The following CDH23 variants were observed in gnomAD, a reference collection of about 807,000 sequenced individuals.
CDH23 encodes the protein cadherin related 23, also known as cadherin-23.
CDH23 carries 189 observed loss-of-function variants against 317.1 expected under a neutral mutation model. The ratio of observed to expected loss-of-function variants is 0.60; its 90% CI spans 0.53 to 0.67. The LOEUF (loss-of-function observed/expected upper bound fraction) is 0.67, where lower values mean the gene tolerates loss of function less well. Among genes scored for constraint, CDH23 ranks in the 30% least tolerant of loss-of-function variants. CDH23 has a pLI of 0.00. For missense variants in CDH23, 4,401 were observed against 4,592.4 expected, an observed-to-expected ratio of 0.96 and a Z score of 1.20; for synonymous variants, 1,839 against 1,876.8, an observed-to-expected ratio of 0.98 and a Z score of 0.52.
intron 28 of CDH23, among the ~76,000 whole-genome samples, chr10:71,720,801 C>T (rs1866522638): frequency 6.6e-6 from 1 of 152,210 alleles, no homozygotes; most frequent in South Asian, 2.1e-4. Flanking sequence ...CCCCCGTCTT[C>T]TCTCAGATGA....
intron 19 of CDH23, among the ~76,000 whole-genome samples, chr10:71,689,199 AGGGTTGGTG>A (rs1865088461): frequency 6.7e-6 from 1 of 149,074 alleles, no homozygotes; most frequent in Non-Finnish European, 1.5e-5. Context: ...TGGTGGAGCC[AGGGTTGGTG>A]GAGTCAGGGA....
intron 32 of CDH23, chr10:71,732,727 G>A: frequency 8.5e-7 from 1 of 1,180,386 alleles, no homozygotes; most frequent in Non-Finnish European, 1.1e-6. Context: ...ACCTATGCAG[G>A]CTGGTATCCT....
intron 6 of CDH23, among the ~76,000 whole-genome samples, chr10:71,532,870 C>T (rs917214082): frequency 6.6e-6 from 1 of 151,926 alleles, no homozygotes; most frequent in African/African-American, 2.4e-5. Context: ...AGTGGGATTA[C>T]AGGCATCCAC....
chr10:71,611,035 C>A (rs956083387), intron 9 of CDH23, among the ~76,000 whole-genome samples: 3 of 151,498 alleles, frequency 2.0e-5, no homozygotes, highest in African/African-American at 7.3e-5. Context: ...TGGGGCTGAA[C>A]AGATGAAAGG....
At chr10:71,541,177 C>G (rs1229997929) in intron 6 of CDH23, among the ~76,000 whole-genome samples, 1 of 152,176 alleles carries the variant, frequency 6.6e-6, no homozygotes, top group African/African-American at 2.4e-5. Flanking sequence ...CTAATAATCC[C>G]TCCTCTGGGG....
At chr10:71,752,433 C>A (rs1164073055) in intron 38 of CDH23, among the ~76,000 whole-genome samples, 1 of 152,230 alleles carries the variant, frequency 6.6e-6, no homozygotes, top group Non-Finnish European at 1.5e-5. Context: ...GGGGCAGGAA[C>A]TTGGGTTCCC....
chr10:71,729,991 C>T (rs957588465), intron 30 of CDH23, among the ~76,000 whole-genome samples: 6 of 152,000 alleles, frequency 3.9e-5, no homozygotes, highest in African/African-American at 9.7e-5. Flanking sequence ...CCCGCCACCA[C>T]GCCCGGCTAA....
intron 28 of CDH23, among the ~76,000 whole-genome samples, chr10:71,721,751 T>G (rs559235015): frequency 1.3e-5 from 2 of 152,292 alleles, no homozygotes; most frequent in South Asian, 4.1e-4. Context: ...ATGTCTATAC[T>G]CCCTGTCCTG....
intron 1 of CDH23, among the ~76,000 whole-genome samples, chr10:71,420,703 C>G (rs959263164): frequency 2.0e-5 from 3 of 151,832 alleles, no homozygotes; most frequent in Non-Finnish European, 4.4e-5. Flanking sequence ...TTATAACAAC[C>G]CTATGAAGTA....
intron 1 of CDH23, among the ~76,000 whole-genome samples, chr10:71,405,366 A>G (rs16928783): frequency 0.079 from 11,998 of 151,032 alleles, 1,179 homozygotes; most frequent in African/African-American, 0.23. Flanking sequence ...TCTGGGCTAG[A>G]CCTTTCTCAG....
In CDH23 at chr10:71,809,873, G is replaced by A. The variant is rs751829972; in HGVS notation, c.8776G>A (p.Gly2926Ser). 1.7e-5 allele frequency: 28 copies of A among 1,613,366 alleles called. No homozygotes were observed. The highest frequency in any genetic ancestry group is 1.6e-4 in the Middle Eastern group (1 of 6,062). The part of the protein sequence containing the change: ...TFDLFMAYSP[G>S]YFVVDIVARD... ...CGACCTCTTCATGGCCTACAGCCCC[G>A]GCTACTTCGTGGTGGACATTGTGGC... Residue 2926 changes from glycine (G) to serine (S), a missense_variant, in exon 61 of 70, where the codon GGC becomes AGC. Gly to Ser is a moderately conservative substitution (Grantham distance 56). Transcript: ENST00000224721.
In CDH23 at chr10:71,815,834, AC is replaced by A. The variant is rs1186736673; in HGVS notation, c.*557del. 1.3e-5 allele frequency: 2 copies of A among 155,908 alleles called. No homozygotes were observed. Among genetic ancestry groups the A allele is most frequent in the African/African-American group, 4.8e-5 (2 of 41,478 alleles). 9.7% of individuals were successfully genotyped at this position (155,908 alleles called of 1,614,324 possible). A position where few individuals can be genotyped will look rare whatever the true frequency, so the allele number is the denominator to read the frequency against. On this transcript the variant is annotated 3_prime_UTR_variant, in exon 70 of 70. Transcript: ENST00000224721. Reference sequence around the variant, plus strand: ...AATGAACAAGCATTCTCTCCATTTCACTGGCTTCCCAAATGTGTGCCCAGCT... The same window carrying A: ...AATGAACAAGCATTCTCTCCATTTCATGGCTTCCCAAATGTGTGCCCAGCT...
At position 71,702,214 on chromosome 10, in the gene CDH23, A is replaced by C; in HGVS notation, c.2587+3A>C. The C allele has an allele frequency of 1.2e-6, 2 of 1,612,672 alleles. No individual in the cohort carries two copies. Among genetic ancestry groups the C allele is most frequent in the Non-Finnish European group, 1.7e-6 (2 of 1,179,080 alleles). On this transcript the variant is annotated splice_donor_region_variant and intron_variant, in intron 23 of 69. Coordinates refer to ENST00000224721, the MANE Select transcript of CDH23 (RefSeq NM_022124.6). Reference sequence around the variant, plus strand: ...AATCGTCGTCTCTGTTACTGACTGTATGGACCCCTCTCGCCCCTCACGGCC... The same window carrying C: ...AATCGTCGTCTCTGTTACTGACTGTCTGGACCCCTCTCGCCCCTCACGGCC...
intron 60 of CDH23, among the ~76,000 whole-genome samples, chr10:71,809,313 G>A (rs772361048): frequency 1.3e-5 from 2 of 151,652 alleles, no homozygotes; most frequent in African/African-American, 2.4e-5. Flanking sequence ...CAAGTAGCTG[G>A]GATTAGGTGC....
intron 38 of CDH23, among the ~76,000 whole-genome samples, chr10:71,760,000 TAC>T (rs1448588041): frequency 1.2e-3 from 33 of 26,792 alleles, no homozygotes; most frequent in Non-Finnish European, 2.3e-3. Context: ...CACACACACA[TAC>T]ATATATATAC....
In CDH23 at chr10:71,399,827, A is replaced by C. The variant is rs538185960; in HGVS notation, c.-6+2509A>C. 1.6e-4 allele frequency among the ~76,000 whole-genome samples: 24 copies of C among 152,126 alleles called. 1 individual carries two copies. Among genetic ancestry groups the C allele is most frequent in the African/African-American group, 5.8e-4 (24 of 41,498 alleles). On this transcript the variant is annotated intron_variant, in intron 1 of 69. Transcript: ENST00000224721. ...ACATGGGCCAGAAAGAGGTGAGTGG[A>C]GGGGGCAGGGTTTCCGGAAGCTGGG...
intron 34 of CDH23, among the ~76,000 whole-genome samples, chr10:71,736,471 A>G (rs1727908052): frequency 6.6e-6 from 1 of 152,190 alleles, no homozygotes; most frequent in Admixed American, 6.5e-5. Context: ...CAGGCTGGGT[A>G]GGGCATGGCT....
chr10:71,690,513 G>A lies in CDH23; in HGVS notation c.2105G>A (p.Arg702Gln), dbSNP rs546708250. The change falls in exon 20 of 70, where the codon CGG becomes CAG. Residue 702 changes from arginine to glutamine, a missense_variant. Physicochemically the swap from Arg to Gln is conservative, Grantham distance 43. This residue lies in a region of CDH23 where 3,068 missense variants were observed against 3,203.3 expected (regional missense o/e 0.96). Coordinates refer to ENST00000224721, the MANE Select transcript of CDH23 (RefSeq NM_022124.6). ...AATGCCACAGACCTGGACCGCTCCC[G>A]GGAGTACGGCCAGGAGTCCATCATC... Reference protein sequence around the residue: ...FLNATDLDRSREYGQESIIYS... With the variant: ...FLNATDLDRSQEYGQESIIYS... 39 of 1,611,480 alleles carry A rather than the reference G, an allele frequency of 2.4e-5. No homozygotes were observed. Among genetic ancestry groups the A allele is most frequent in the South Asian group, 7.8e-5 (7 of 90,226 alleles).
At chr10:71,674,585 G>A (rs1564724650) in intron 14 of CDH23, among the ~76,000 whole-genome samples, 1 of 152,160 alleles carries the variant, frequency 6.6e-6, no homozygotes. Flanking sequence ...CATGGATTAT[G>A]TACAACCTCT....
Sources: gnomAD v4.1 joint callset for allele counts (sites outside exome capture counted in the v4.1 genomes callset) on GRCh38, gnomAD v4.1.1 for gene constraint, gnomAD v4.1.1 regional missense constraint, MANE v1.5 for transcripts, NCBI Gene and HGNC (gene_info 2026-07-23, HGNC 2026-07-21) for gene names.